Variants in TMEM165 observed in about 807,000 individuals in gnomAD.
The protein encoded by TMEM165 is transmembrane protein 165, also known as putative divalent cation/proton antiporter TMEM165.
In TMEM165, 19 loss-of-function variants were observed where a neutral mutation model predicts 30.0. That is an observed-to-expected ratio of 0.63 (90% confidence interval 0.44 to 0.93). The LOEUF (loss-of-function observed/expected upper bound fraction) is 0.93. Among genes scored for constraint, TMEM165 ranks in the 40% least tolerant of loss-of-function variants. The pLI is 0.00. For synonymous variants in TMEM165, 168 were observed against 162.9 expected, an observed-to-expected ratio of 1.03 and a Z score of -0.24; for missense variants, 340 against 417.0, an observed-to-expected ratio of 0.82 and a Z score of 1.61.
chr4:55,424,848 T>G, intron 5 of TMEM165: 1 of 529,226 alleles, frequency 1.9e-6, no homozygotes, highest in East Asian at 3.2e-5. Context: ...CAAAGTCATT[T>G]TTATCGAATT....
intron 4 of TMEM165, chr4:55,424,175 T>C: frequency 5.3e-6 from 1 of 189,164 alleles, no homozygotes; most frequent in South Asian, 1.3e-4. Context: ...AAGCAGTATC[T>C]GAGGGAACAG....
At chr4:55,449,623 G>T in intron 3 of TMEM165, 1 of 793,210 alleles carries the variant, frequency 1.3e-6, no homozygotes, top group Non-Finnish European at 2.1e-6. Context: ...TTCAATGAAA[G>T]TGAAGTCCAT....
intron 3 of TMEM165, among the ~76,000 whole-genome samples, chr4:55,449,050 A>G (rs1724196392): frequency 6.6e-6 from 1 of 152,046 alleles, no homozygotes; most frequent in Non-Finnish European, 1.5e-5. Flanking sequence ...TTTATCTTTT[A>G]TTTTCCAAGG....
chr4:55,412,393 C>CAAAAAA (rs371124857), intron 2 of TMEM165, among the ~76,000 whole-genome samples: 1,633 of 54,086 alleles, frequency 0.03, 220 homozygotes, highest in Non-Finnish European at 0.042. Flanking sequence ...GACTCCATCT[C>CAAAAAA]AAAAAAAAAA....
At chr4:55,448,758 G>C in intron 3 of TMEM165, 2 of 1,597,666 alleles carry the variant, frequency 1.3e-6, no homozygotes, top group Non-Finnish European at 1.7e-6. Context: ...ATACGCAACT[G>C]AAACAAAAAC....
rs1018733457 is a variant in TMEM165, at chr4:55,396,123, G to C, written c.-67G>C. On this transcript the variant is annotated 5_prime_UTR_variant, in exon 1 of 6. Transcript: ENST00000381334. Reference sequence around the variant, plus strand: ...AGGACGCGCCGCGGAGGCTGTTCGGGGTCGAGGCTTCCCGTCGCCGGCACT... The same window carrying C: ...AGGACGCGCCGCGGAGGCTGTTCGGCGTCGAGGCTTCCCGTCGCCGGCACT... 5 of 1,272,634 alleles carry C rather than the reference G, an allele frequency of 3.9e-6. No individual in the cohort carries two copies. The highest frequency in any genetic ancestry group is 5.0e-6 in the Non-Finnish European group (5 of 1,004,484). The allele number at this position is 1,272,634 out of a possible 1,614,324, so 78.8% of individuals were successfully genotyped here.
chr4:55,420,682 G>T (rs974318642), intron 4 of TMEM165, among the ~76,000 whole-genome samples: 1 of 151,994 alleles, frequency 6.6e-6, no homozygotes, highest in African/African-American at 2.4e-5. Context: ...ATTTTTGTTG[G>T]TAATTTTTCT....
chr4:55,407,076 C>G (rs1229414574), intron 1 of TMEM165, among the ~76,000 whole-genome samples: 1 of 152,220 alleles, frequency 6.6e-6, no homozygotes, highest in Non-Finnish European at 1.5e-5. Flanking sequence ...TAATAGGCCT[C>G]CCATACTCAT....
rs1310849519 is a variant in TMEM165 at position 55,396,238 on chromosome 4, C to T, written c.49C>T (p.Leu17Phe). The T allele has an allele frequency of 1.3e-6, 2 of 1,494,300 alleles. No individual in the cohort carries two copies. The highest frequency in any genetic ancestry group is 2.2e-5 in the Admixed American group (1 of 44,958). The allele number at this position is 1,494,300 out of a possible 1,614,324, so 92.6% of individuals were successfully genotyped here. ...GNGRASAPRL[L>F]LLFLVPLLWA... Reference sequence around the variant, plus strand: ...CGGCCGCGCATCGGCGCCCCGGCTGCTTCTGCTCTTTCTGGTTCCGCTGCT... The same window carrying T: ...CGGCCGCGCATCGGCGCCCCGGCTGTTTCTGCTCTTTCTGGTTCCGCTGCT... Residue 17 changes from leucine to phenylalanine, a missense_variant, in exon 1 of 6, where the codon CTT becomes TTT. By Grantham distance (22) the Leu-to-Phe change is conservative. Around this residue, in one of 2 missense-constraint regions of TMEM165, gnomAD observed 120 missense variants for 109.4 expected, o/e 1.10. Transcript: ENST00000381334.
Position 55,425,396 on chromosome 4 carries a change from GT to G in TMEM165, c.926del (p.Leu309TrpfsTer10). ...TCCAGTGACAATCATAGGAGGCATC[GT>G]TTTTTTGGCGTTTGCATTTTCTGCA... is the stretch of plus-strand genomic sequence containing the variant. ...VRTVTIIGGI[V>X]FLAFAFSALF... On this transcript the variant is annotated frameshift_variant, in exon 6 of 6. Coordinates refer to ENST00000381334, the MANE Select transcript of TMEM165 (RefSeq NM_018475.5). LOFTEE classifies it high-confidence loss of function. The G allele has an allele frequency of 6.2e-7, 1 of 1,612,834 alleles. No individual in the cohort carries two copies.
At chr4:55,451,214 CA>C (rs1453218993) in intron 3 of TMEM165, among the ~76,000 whole-genome samples, 1 of 152,152 alleles carries the variant, frequency 6.6e-6, no homozygotes, top group African/African-American at 2.4e-5. Flanking sequence ...TGCTACTCCA[CA>C]AAATCTGTTC....
intron 3 of TMEM165, chr4:55,435,643 C>A: frequency 6.3e-7 from 1 of 1,579,846 alleles, no homozygotes; most frequent in Non-Finnish European, 8.7e-7. Flanking sequence ...CTTTATGGCA[C>A]CCACATAATA....
chr4:55,428,955 C>T (rs1722351229), downstream of TMEM165: 1 of 146,274 alleles, frequency 6.8e-6, no homozygotes, highest in African/African-American at 2.5e-5. Flanking sequence ...TGAATGGTAA[C>T]TGTTCTGGCT....
intron 4 of TMEM165, among the ~76,000 whole-genome samples, chr4:55,420,106 A>AAAAAAAAAAAAAT (rs1474254120): frequency 2.0e-4 from 9 of 45,416 alleles, no homozygotes; most frequent in African/African-American, 4.9e-4. Flanking sequence ...AAGAAAAAAA[A>AAAAAAAAAAAAAT]ATATATATAT....
intron 3 of TMEM165, chr4:55,449,415 C>G: frequency 6.2e-7 from 1 of 1,613,832 alleles, no homozygotes; most frequent in Non-Finnish European, 8.5e-7. Flanking sequence ...AAATGATGAC[C>G]TTCTTTGCAC....
chr4:55,449,233 C>A (rs1724214079), intron 3 of TMEM165, among the ~76,000 whole-genome samples: 1 of 151,680 alleles, frequency 6.6e-6, no homozygotes, highest in Non-Finnish European at 1.5e-5. Context: ...CATATGACAA[C>A]CACTTCATAC....
downstream of TMEM165, chr4:55,428,580 ATC>A (rs1722331065): frequency 6.6e-6 from 1 of 152,194 alleles, no homozygotes; most frequent in Non-Finnish European, 1.5e-5. Context: ...TTATCTCAAG[ATC>A]AATTAGCCGT....
intron 1 of TMEM165, among the ~76,000 whole-genome samples, chr4:55,402,422 T>C (rs1721048128): frequency 1.7e-5 from 1 of 60,564 alleles, no homozygotes; most frequent in Non-Finnish European, 2.9e-5. Flanking sequence ...TATATATATA[T>C]ATATATATAT....
chr4:55,414,666 A>G (rs1269470069), intron 2 of TMEM165, among the ~76,000 whole-genome samples: 3 of 152,104 alleles, frequency 2.0e-5, no homozygotes, highest in Admixed American at 1.3e-4. Context: ...TAGGTCAGAT[A>G]TTGCATTTAG....
Sources: gnomAD v4.1 joint callset for allele counts (sites outside exome capture counted in the v4.1 genomes callset) on GRCh38, gnomAD v4.1.1 for gene constraint, gnomAD v4.1.1 regional missense constraint, MANE v1.5 for transcripts, NCBI Gene and HGNC (gene_info 2026-07-23, HGNC 2026-07-21) for gene names.